Variants in DOCK1 observed in about 807,000 individuals in gnomAD.
DOCK1 encodes dedicator of cytokinesis protein 1.
Under a neutral mutation model 262.7 loss-of-function variants are expected in DOCK1, and 138 were observed. The observed-to-expected ratio is 0.53, with a 90% CI of 0.46 to 0.61. The LOEUF (loss-of-function observed/expected upper bound fraction) is 0.61. DOCK1 is among the 20% of genes least tolerant of loss of function. DOCK1 has a pLI of 0.00. For missense variants in DOCK1, 1,908 were observed against 2,370.7 expected (o/e 0.80, Z 4.05); for synonymous variants, 866 against 867.4 (o/e 1.00, Z 0.03).
At chr10:127,244,667 C>A (rs757528203) in intron 27 of DOCK1, among the ~76,000 whole-genome samples, 1 of 151,968 alleles carries the variant, frequency 6.6e-6, no homozygotes. Context: ...ATTTAGTGTC[C>A]TGGTTTTTAA....
At chr10:127,310,386 C>G (rs994243152) in intron 29 of DOCK1, among the ~76,000 whole-genome samples, 1 of 152,028 alleles carries the variant, frequency 6.6e-6, no homozygotes, top group African/African-American at 2.4e-5. Flanking sequence ...GCCCCGGCAG[C>G]TGAGTGCTAA....
chr10:126,978,114 T>C (rs2134781348), intron 3 of DOCK1, 126 bp downstream of exon 3: 1 of 921,124 alleles, frequency 1.1e-6, no homozygotes, highest in Non-Finnish European at 1.7e-6. Context: ...TTTAAAAAAA[T>C]ATATGGGTAG....
At chr10:127,076,224 A>G (rs992994699) in intron 23 of DOCK1, among the ~76,000 whole-genome samples, 13 of 152,216 alleles carry the variant, frequency 8.5e-5, no homozygotes, top group East Asian at 1.9e-4. Context: ...AATATCGGCC[A>G]GGCACGGTGG....
intron 33 of DOCK1, among the ~76,000 whole-genome samples, chr10:127,373,116 G>A (rs997296452): frequency 3.9e-5 from 6 of 152,156 alleles, no homozygotes; most frequent in African/African-American, 1.4e-4. Context: ...TTTTCTAAAA[G>A]CATGGATCTG....
intron 26 of DOCK1, among the ~76,000 whole-genome samples, chr10:127,127,070 G>A (rs564076638): frequency 3.3e-4 from 51 of 152,282 alleles, no homozygotes; most frequent in Middle Eastern, 6.8e-3. Flanking sequence ...GTAAGAGCTT[G>A]TATGGCCAAA....
chr10:127,224,615 G>A (rs1029379634), intron 27 of DOCK1, among the ~76,000 whole-genome samples: 9 of 151,646 alleles, frequency 5.9e-5, no homozygotes, highest in Admixed American at 1.3e-4. Flanking sequence ...AGCTGCTTGG[G>A]AGCCTGAGGT....
chr10:127,278,197 C>A (rs2060814736), intron 29 of DOCK1, among the ~76,000 whole-genome samples: 1 of 152,098 alleles, frequency 6.6e-6, no homozygotes, highest in Non-Finnish European at 1.5e-5. Context: ...CCAGTGTAAG[C>A]AAATTTGCAC....
In DOCK1 at chr10:126,966,032, T is replaced by C. The variant is rs992800233; in HGVS notation, c.47-4670T>C. On this transcript the variant is annotated intron_variant, in intron 1 of 51. Transcript: ENST00000623213. ...CCTGTCCCCACTTCCCCCCTACCCT[T>C]CTTAGGCTCTAGTATCCTCTGTTCT... 3.3e-5 allele frequency among the ~76,000 whole-genome samples: 5 copies of C among 152,274 alleles called. No individual in the cohort carries two copies. The East Asian group carries it at 9.7e-4, about 29-fold the overall frequency.
chr10:127,418,070 A>G (rs1173869539), intron 44 of DOCK1, among the ~76,000 whole-genome samples: 1 of 152,176 alleles, frequency 6.6e-6, no homozygotes, highest in Non-Finnish European at 1.5e-5. Flanking sequence ...AAGCAGGTGT[A>G]TTCAAGCACT....
At chr10:126,993,358 T>C (rs1370945628) in intron 6 of DOCK1, among the ~76,000 whole-genome samples, 3 of 152,190 alleles carry the variant, frequency 2.0e-5, no homozygotes, top group Non-Finnish European at 2.9e-5. Flanking sequence ...GAAGTGACCA[T>C]GCCCTACCCA....
At chr10:127,401,161 C>T (rs12412384) in intron 38 of DOCK1, among the ~76,000 whole-genome samples, 9,023 of 152,026 alleles carry the variant, frequency 0.059, 434 homozygotes, top group East Asian at 0.27. Context: ...CATTACCTGG[C>T]CGCCACCACC....
intron 29 of DOCK1, among the ~76,000 whole-genome samples, chr10:127,260,580 T>C (rs957141873): frequency 2.6e-5 from 4 of 152,194 alleles, no homozygotes; most frequent in Non-Finnish European, 4.4e-5. Flanking sequence ...TGCCTGTGTG[T>C]GTACCCATGC....
chr10:127,351,016 C>T (rs778558350), intron 31 of DOCK1, among the ~76,000 whole-genome samples: 15 of 152,250 alleles, frequency 9.9e-5, no homozygotes, highest in Admixed American at 5.2e-4. Context: ...GTAAATTGCC[C>T]GGTGTGCTTA....
chr10:127,155,877 C>T (rs1455525359), intron 27 of DOCK1, among the ~76,000 whole-genome samples: 3 of 152,286 alleles, frequency 2.0e-5, no homozygotes, highest in East Asian at 1.9e-4. Context: ...GGCAATGGCA[C>T]GGTCCACGCT....
chr10:127,027,123 G>A (rs1212723408), intron 16 of DOCK1, among the ~76,000 whole-genome samples: 1 of 152,248 alleles, frequency 6.6e-6, no homozygotes, highest in East Asian at 1.9e-4. Flanking sequence ...GACAAAGAGA[G>A]TTGGCTACAG....
chr10:127,196,180 C>G (rs981995417), intron 27 of DOCK1: 8 of 150,694 alleles, frequency 5.3e-5, no homozygotes, highest in Non-Finnish European at 1.2e-4. Flanking sequence ...CGCCTGCTGC[C>G]CGCCCCCTCC....
Position 127,451,530 on chromosome 10 carries a change from G to A in DOCK1, c.*103G>A. 6.5e-7 allele frequency: 1 copy of A among 1,530,214 alleles called. No homozygotes were observed. The highest frequency in any genetic ancestry group is 8.8e-7 in the Non-Finnish European group (1 of 1,139,530). The allele number at this position is 1,530,214 out of a possible 1,614,324, so 94.8% of individuals were successfully genotyped here. Reference sequence around the variant, plus strand: ...CTGTTTACCTCATTGGGCCTGTGATGTTAACATTTCGTGCGACTGCTTTTT... The same window carrying A: ...CTGTTTACCTCATTGGGCCTGTGATATTAACATTTCGTGCGACTGCTTTTT... On this transcript the variant is annotated 3_prime_UTR_variant, in exon 52 of 52. Transcript: ENST00000623213.
At chr10:127,107,271 G>T (rs1452399719) in intron 24 of DOCK1, among the ~76,000 whole-genome samples, 1 of 152,092 alleles carries the variant, frequency 6.6e-6, no homozygotes, top group Non-Finnish European at 1.5e-5. Flanking sequence ...TATTAGTAAA[G>T]GGCCATCTGT....
chr10:126,978,019 T>C, intron 3 of DOCK1, 31 bp downstream of exon 3: 2 of 1,605,054 alleles, frequency 1.2e-6, no homozygotes, highest in Non-Finnish European at 1.7e-6. Context: ...ACAGTGCATG[T>C]CTCTTCATAA....
Sources: gnomAD v4.1 joint callset for allele counts (sites outside exome capture counted in the v4.1 genomes callset) on GRCh38, gnomAD v4.1.1 for gene constraint, MANE v1.5 for transcripts, NCBI Gene and HGNC (gene_info 2026-07-23, HGNC 2026-07-21) for gene names.